APBB2: variants seen among roughly 807,000 people sequenced by gnomAD.
APBB2 encodes Fe65-like 1.
APBB2 carries 38 observed loss-of-function variants against 82.5 expected under a neutral mutation model. That is an observed-to-expected ratio of 0.46 (90% CI 0.36 to 0.60). APBB2 has a LOEUF of 0.60. Ranked by LOEUF, APBB2 falls within the 20% of genes least tolerant of loss-of-function variation. The pLI is 0.00. For missense variants in APBB2, 772 were observed against 972.3 expected, an observed-to-expected ratio of 0.79 and a Z score of 2.74; for synonymous variants, 341 against 368.2, an observed-to-expected ratio of 0.93 and a Z score of 0.85.
intron 1 of APBB2, among the ~76,000 whole-genome samples, chr4:41,196,258 A>G: frequency 7.9e-5 from 12 of 152,150 alleles, no homozygotes; most frequent in Admixed American, 7.2e-4. Flanking sequence ...TGTAATGTCA[A>G]TTACGTACTA....
At chr4:40,822,133 G>C (rs1488015305) in intron 16 of APBB2, 83 bp from the exon 17 acceptor site, 3 of 1,513,864 alleles carry the variant, frequency 2.0e-6, no homozygotes, top group African/African-American at 1.4e-5. Context: ...CTGGCATTCA[G>C]AAAGTATAGC....
rs568811862 is a variant in APBB2 at position 41,201,825 on chromosome 4, A to G, written c.-417+12580T>C. ...ATGCCAATCAAGTTCATTTTTACCA[A>G]ATTATCTCCAAAGTGCAAGTCAGTA... On this transcript the variant is annotated intron_variant, in intron 1 of 17. Transcript: ENST00000508593. Among the ~76,000 whole-genome samples the G allele has an allele frequency of 8.5e-5, 13 of 152,296 alleles. No individual in the cohort carries two copies. The South Asian group carries it at 2.5e-3, about 29-fold the overall frequency.
At chr4:41,079,656 C>A (rs1736865236) in intron 3 of APBB2, among the ~76,000 whole-genome samples, 1 of 151,362 alleles carries the variant, frequency 6.6e-6, no homozygotes. Context: ...TCAAGTGATT[C>A]TCCTGCCCCA....
At chr4:40,917,616 T>A (rs921714800) in intron 10 of APBB2, among the ~76,000 whole-genome samples, 1 of 152,106 alleles carries the variant, frequency 6.6e-6, no homozygotes, top group African/African-American at 2.4e-5. Context: ...TAAAGCAACA[T>A]GAGTTCTGTG....
chr4:41,065,217 C>T (rs75052168), intron 4 of APBB2, among the ~76,000 whole-genome samples: 6,750 of 151,684 alleles, frequency 0.045, 222 homozygotes, highest in Middle Eastern at 0.078. Flanking sequence ...ACCAGAAGTT[C>T]GAAGCTACAG....
chr4:41,104,596 T>C (rs1469252433), intron 2 of APBB2, among the ~76,000 whole-genome samples: 2 of 152,192 alleles, frequency 1.3e-5, no homozygotes, highest in Non-Finnish European at 2.9e-5. Flanking sequence ...GTAATGAGCA[T>C]AATACCCAAT....
chr4:40,855,422 C>G (rs1332763358), intron 12 of APBB2, among the ~76,000 whole-genome samples: 2 of 152,138 alleles, frequency 1.3e-5, no homozygotes, highest in Non-Finnish European at 2.9e-5. Context: ...GTGTGTTTCT[C>G]ACATCTGCAA....
chr4:41,068,815 G>A lies in APBB2; in HGVS notation c.-148-3142C>T, dbSNP rs1732854003. Among the ~76,000 whole-genome samples the A allele has an allele frequency of 2.7e-5, 2 of 73,322 alleles. 1 individual carries two copies. Among genetic ancestry groups the A allele is most frequent in the African/African-American group, 1.1e-4 (2 of 18,412 alleles). The allele number at this position is 73,322 out of a possible 152,430, so 48.1% of individuals were successfully genotyped here. ...TTTTTTTTTTTTTTTTTTTTTTTTTGAGATGGAGTCTCGCTCTGTTGCCAG... is the reference window on the plus strand; with the variant it reads ...TTTTTTTTTTTTTTTTTTTTTTTTTAAGATGGAGTCTCGCTCTGTTGCCAG... On this transcript the variant is annotated intron_variant, in intron 3 of 17. Transcript: ENST00000508593.
intron 10 of APBB2, among the ~76,000 whole-genome samples, chr4:40,895,505 CT>C (rs965154044): frequency 7.2e-5 from 11 of 152,386 alleles, no homozygotes; most frequent in African/African-American, 1.9e-4. Flanking sequence ...CCTGGCCTGC[CT>C]GCCCCTCCGC....
intron 6 of APBB2, among the ~76,000 whole-genome samples, chr4:40,970,791 C>T (rs1795759460): frequency 6.6e-6 from 1 of 152,070 alleles, no homozygotes; most frequent in South Asian, 2.1e-4. Flanking sequence ...GGAACCTGGC[C>T]AGTTTTAGCA....
chr4:40,933,471 G>A (rs1784704664), intron 10 of APBB2, among the ~76,000 whole-genome samples: 1 of 152,132 alleles, frequency 6.6e-6, no homozygotes, highest in African/African-American at 2.4e-5. Context: ...TGGACTGCGG[G>A]TAGGCAAGAG....
Position 40,815,785 on chromosome 4 carries a change from G to A in APBB2, c.*307C>T, listed in dbSNP as rs976740092. 3 of 285,620 alleles carry A rather than the reference G, an allele frequency of 1.1e-5. No homozygotes were observed. The highest frequency in any genetic ancestry group is 1.3e-5 in the Non-Finnish European group (2 of 149,346). 17.7% of individuals were successfully genotyped at this position (285,620 alleles called of 1,614,324 possible). ...GGACGCAGCGTTAGTTCACTAGGAG[G>A]GGTGGGGCCACACTCTTCTCTGTGT... On this transcript the variant is annotated 3_prime_UTR_variant, in exon 18 of 18. Transcript: ENST00000508593.
intron 6 of APBB2, among the ~76,000 whole-genome samples, chr4:40,961,121 C>G (rs1053692837): frequency 6.6e-6 from 1 of 152,144 alleles, no homozygotes; most frequent in Non-Finnish European, 1.5e-5. Flanking sequence ...TATTAGTGGA[C>G]TGCTACTGCC....
At chr4:41,111,975 T>C (rs923712496) in intron 2 of APBB2, among the ~76,000 whole-genome samples, 4 of 152,158 alleles carry the variant, frequency 2.6e-5, no homozygotes, top group African/African-American at 2.4e-5. Flanking sequence ...GGCACTACAC[T>C]GGAGCTCTTC....
At chr4:40,918,509 C>T (rs1390077362) in intron 10 of APBB2, among the ~76,000 whole-genome samples, 1 of 152,186 alleles carries the variant, frequency 6.6e-6, no homozygotes, top group African/African-American at 2.4e-5. Flanking sequence ...GCTTTAATGC[C>T]GTTAATGGCA....
intron 12 of APBB2, among the ~76,000 whole-genome samples, chr4:40,841,965 C>T (rs2154314709): frequency 6.6e-6 from 1 of 152,358 alleles, no homozygotes; most frequent in South Asian, 2.1e-4. Context: ...CAGGCGTGAG[C>T]CACCACGCCC....
At chr4:41,028,224 A>G (rs940985666) in intron 5 of APBB2, among the ~76,000 whole-genome samples, 2 of 152,242 alleles carry the variant, frequency 1.3e-5, no homozygotes, top group African/African-American at 4.8e-5. Context: ...CCAACAAAGT[A>G]AAGATACCTA....
chr4:40,963,068 G>A (rs115850555), intron 6 of APBB2, among the ~76,000 whole-genome samples: 36 of 152,048 alleles, frequency 2.4e-4, no homozygotes, highest in African/African-American at 6.8e-4. Context: ...TAAGCCTCTC[G>A]CTTGTGAAAA....
chr4:40,894,302 AG>A (rs1175375124), intron 10 of APBB2, among the ~76,000 whole-genome samples: 1 of 151,046 alleles, frequency 6.6e-6, no homozygotes, highest in Non-Finnish European at 1.5e-5. Context: ...AAAAAAAAAA[AG>A]AATAGATTAC....
Sources: gnomAD v4.1 joint callset for allele counts (sites outside exome capture counted in the v4.1 genomes callset) on GRCh38, gnomAD v4.1.1 for gene constraint, MANE v1.5 for transcripts, NCBI Gene and HGNC (gene_info 2026-07-23, HGNC 2026-07-21) for gene names.